The following RGS6 variants were observed in gnomAD, a reference collection of about 807,000 sequenced individuals.
RGS6 encodes the protein regulator of G protein signaling 6.
RGS6 carries 30 observed loss-of-function variants against 78.5 expected under a neutral mutation model. The observed-to-expected ratio is 0.38, with a 90% CI of 0.29 to 0.52. The LOEUF is 0.52. RGS6 is among the 20% of genes least tolerant of loss of function. The probability of loss-of-function intolerance (pLI) is 0.85; values close to 1 mark genes in which losing one functional copy is unlikely to be tolerated. For missense variants in RGS6, 495 were observed against 609.7 expected (o/e 0.81, Z 1.98); for synonymous variants, 206 against 206.0 (o/e 1.00, Z 0.00).
intron 3 of RGS6, among the ~76,000 whole-genome samples, chr14:72,446,948 AC>A (rs1303535321): frequency 6.6e-6 from 1 of 151,254 alleles, no homozygotes; most frequent in East Asian, 2.0e-4. Flanking sequence ...TCACTTGCTC[AC>A]CCGCCACTCA....
intron 2 of RGS6, among the ~76,000 whole-genome samples, chr14:72,027,222 A>G (rs2090044544): frequency 2.7e-5 from 4 of 150,296 alleles, no homozygotes; most frequent in Non-Finnish European, 4.5e-5. Context: ...GCTTTAAGAG[A>G]GAGAGAGAGA....
intron 13 of RGS6, among the ~76,000 whole-genome samples, chr14:72,506,715 C>T (rs1467349434): frequency 2.0e-5 from 3 of 152,008 alleles, no homozygotes; most frequent in Non-Finnish European, 2.9e-5. Context: ...TACATTGTAT[C>T]GACTAAAAAT....
At chr14:72,266,284 A>C (rs2059058508) in intron 2 of RGS6, among the ~76,000 whole-genome samples, 1 of 152,166 alleles carries the variant, frequency 6.6e-6, no homozygotes, top group African/African-American at 2.4e-5. Flanking sequence ...GGTGGTCTCA[A>C]AGTAGTCAGA....
intron 2 of RGS6, among the ~76,000 whole-genome samples, chr14:72,069,086 C>T (rs1164336182): frequency 1.3e-4 from 20 of 152,052 alleles, no homozygotes; most frequent in Non-Finnish European, 7.4e-5. Flanking sequence ...GATTCTCCCA[C>T]CTAAGCCTCC....
At chr14:72,600,031 C>T in the RGS6 span, among the ~76,000 whole-genome samples, 1 of 152,130 alleles carries the variant, frequency 6.6e-6, no homozygotes, top group South Asian at 2.1e-4. Flanking sequence ...CTGGGCCTCC[C>T]TCTCTGCCTG....
chr14:71,948,701 T>C (rs2091894876), intron 1 of RGS6, among the ~76,000 whole-genome samples: 1 of 150,546 alleles, frequency 6.6e-6, no homozygotes, highest in South Asian at 2.1e-4. Context: ...TTTTTTCCCA[T>C]TGGTAACTGC....
chr14:72,459,468 T>A (rs1181290327), intron 5 of RGS6, among the ~76,000 whole-genome samples, 164 bp from the exon 6 acceptor site: 1 of 152,214 alleles, frequency 6.6e-6, no homozygotes, highest in Non-Finnish European at 1.5e-5. Flanking sequence ...GGTTAAAATG[T>A]TGACTCACCT....
At chr14:72,071,131 TC>T (rs1567145506) in intron 2 of RGS6, among the ~76,000 whole-genome samples, 2 of 152,302 alleles carry the variant, frequency 1.3e-5, no homozygotes, top group East Asian at 3.9e-4. Flanking sequence ...CTTTAGTGCT[TC>T]CTTATTTTTA....
the RGS6 span, among the ~76,000 whole-genome samples, chr14:72,589,934 C>A: frequency 1.3e-5 from 2 of 152,222 alleles, no homozygotes; most frequent in Admixed American, 6.5e-5. Flanking sequence ...AAATATAAAA[C>A]AATCTTACAA....
intron 2 of RGS6, among the ~76,000 whole-genome samples, chr14:72,091,579 G>A (rs750747241): frequency 8.5e-5 from 13 of 152,180 alleles, no homozygotes; most frequent in Non-Finnish European, 1.8e-4. Flanking sequence ...TGGAATCCAT[G>A]TAGTATGACC....
chr14:72,404,673 T>A (rs2092762416), intron 3 of RGS6, among the ~76,000 whole-genome samples: 1 of 152,198 alleles, frequency 6.6e-6, no homozygotes, highest in Non-Finnish European at 1.5e-5. Flanking sequence ...GTATTGGAAT[T>A]TTCCAATTTA....
chr14:72,484,649 G>T (rs1032132657), intron 12 of RGS6, among the ~76,000 whole-genome samples: 1 of 152,014 alleles, frequency 6.6e-6, no homozygotes, highest in African/African-American at 2.4e-5. Flanking sequence ...TCAAGTGGTT[G>T]GACTGTATGT....
At chr14:72,625,560 T>C in the RGS6 span, among the ~76,000 whole-genome samples, 2 of 152,182 alleles carry the variant, frequency 1.3e-5, no homozygotes, top group Admixed American at 6.5e-5. Context: ...GAGAATGGTG[T>C]TTAGAAACCA....
chr14:72,395,172 C>T (rs189659691), intron 3 of RGS6, among the ~76,000 whole-genome samples: 26 of 152,090 alleles, frequency 1.7e-4, no homozygotes, highest in African/African-American at 2.4e-4. Context: ...GTGAAGACCA[C>T]GAGTACTCAT....
At chr14:72,429,074 C>T (rs185262054) in intron 3 of RGS6, among the ~76,000 whole-genome samples, 2 of 152,284 alleles carry the variant, frequency 1.3e-5, no homozygotes, top group Admixed American at 1.3e-4. Context: ...TAGTGGCACA[C>T]ACTTATAGTC....
chr14:71,915,868 A>G, the RGS6 span, among the ~76,000 whole-genome samples: 2 of 152,186 alleles, frequency 1.3e-5, no homozygotes, highest in Admixed American at 1.3e-4. Flanking sequence ...TGGTGTCCTT[A>G]TAAGCAGAGG....
intron 3 of RGS6, among the ~76,000 whole-genome samples, chr14:72,396,849 A>T (rs1390882833): frequency 2.0e-5 from 3 of 152,158 alleles, no homozygotes; most frequent in Non-Finnish European, 4.4e-5. Context: ...AAGATCAGAT[A>T]GTTGTAGATG....
chr14:72,054,644 T>C lies in RGS6; in HGVS notation c.84+89769T>C, dbSNP rs116634300. Among the ~76,000 whole-genome samples, 630 of 152,296 alleles carry C rather than the reference T, an allele frequency of 4.1e-3. 2 individuals carry two copies. The highest frequency in any genetic ancestry group is 0.015 in the African/African-American group (607 of 41,558). On this transcript the variant is annotated intron_variant, in intron 2 of 17. Transcript: ENST00000553525. ...TGTATTTGAAATGAAAACCTGTGAG[T>C]GCAATGCCTAATCTAAGAATCAGAA... is the stretch of plus-strand genomic sequence containing the variant.
At chr14:72,235,351 C>T (rs1018725717) in intron 2 of RGS6, among the ~76,000 whole-genome samples, 1 of 152,196 alleles carries the variant, frequency 6.6e-6, no homozygotes, top group Non-Finnish European at 1.5e-5. Flanking sequence ...TGTGTCCCTA[C>T]ATCGTCTTAA....
Sources: allele counts gnomAD v4.1 joint callset (sites outside exome capture counted in the v4.1 genomes callset), GRCh38; gene constraint gnomAD v4.1.1; transcripts MANE v1.5; gene names NCBI Gene and HGNC (gene_info 2026-07-23, HGNC 2026-07-21).